The following IPO9 variants were observed in gnomAD, a reference collection of about 807,000 sequenced individuals.
IPO9 encodes importin 9.
In IPO9, 28 loss-of-function variants were observed where a neutral mutation model predicts 128.6. The observed-to-expected ratio is 0.22, with a 90% CI of 0.16 to 0.30. The LOEUF is 0.30. IPO9 is among the 10% of genes least tolerant of loss of function. IPO9 has a pLI of 1.00. For synonymous variants in IPO9, 455 were observed against 475.8 expected (o/e 0.96, Z 0.57); for missense variants, 935 against 1,293.9 (o/e 0.72, Z 4.26).
chr1:201,829,946 C>A (rs191358184), intron 1 of IPO9, among the ~76,000 whole-genome samples: 7 of 152,294 alleles, frequency 4.6e-5, no homozygotes, highest in African/African-American at 1.7e-4. Context: ...ACTGTCCTGA[C>A]CATACTTAAC....
chr1:201,870,791 A>C lies in IPO9; in HGVS notation c.2342A>C (p.Asn781Thr). Reference sequence around the variant, plus strand: ...AAGGCAGGGCGGGAACTCGGGGAGAATCTAGACCAGATTCTTCGTGCCATC... The same window carrying C: ...AAGGCAGGGCGGGAACTCGGGGAGACTCTAGACCAGATTCTTCGTGCCATC... ...ISKAGRELGE[N>T]LDQILRAILS... Residue 781 changes from asparagine to threonine, a missense_variant, in exon 18 of 24, where the codon AAT becomes ACT. Physicochemically the swap from Asn to Thr is moderately conservative, Grantham distance 65 (BLOSUM62 0). Around this residue, in one of 3 missense-constraint regions of IPO9, gnomAD observed 741 missense variants for 1,019.1 expected, o/e 0.73. Coordinates refer to ENST00000361565, the MANE Select transcript of IPO9 (RefSeq NM_018085.5). The surrounding 1 kb of genome is among the most constrained non-coding windows in gnomAD (Gnocchi z 4.9). 1.2e-6 allele frequency: 2 copies of C among 1,614,138 alleles called. No individual in the cohort carries two copies. Among genetic ancestry groups the C allele is most frequent in the Non-Finnish European group, 1.7e-6 (2 of 1,180,012 alleles).
In IPO9 at chr1:201,853,013, G is replaced by C. The variant is rs768361477; in HGVS notation, c.606G>C (p.Val202=). ...EMYKIFTMAE[V]YGIRTRSRAV... is the part of the protein sequence containing the mutation. ...TTATGCTGTAACCTTTCTTCCAGGTGTATGGTATTCGAACCCGTTCCCGAG... is the reference window on the plus strand; with the variant it reads ...TTATGCTGTAACCTTTCTTCCAGGTCTATGGTATTCGAACCCGTTCCCGAG... The change falls in exon 6 of 24, where the codon GTG becomes GTC. Residue 202 remains valine (V), a splice_region_variant and synonymous_variant. Coordinates refer to ENST00000361565, the MANE Select transcript of IPO9 (RefSeq NM_018085.5). 1.9e-6 allele frequency: 3 copies of C among 1,613,818 alleles called. No individual in the cohort carries two copies. The Admixed American group carries it at 5.0e-5, about 27-fold the overall frequency.
chr1:201,854,774 T>G, intron 7 of IPO9, 49 bp from the exon 8 acceptor site: 1 of 1,607,186 alleles, frequency 6.2e-7, no homozygotes, highest in Non-Finnish European at 8.5e-7. Context: ...AAATCATTTA[T>G]TTCTTATATA....
chr1:201,868,307 CTT>C (rs11412063), intron 15 of IPO9, among the ~76,000 whole-genome samples: 7 of 136,744 alleles, frequency 5.1e-5, no homozygotes, highest in Non-Finnish European at 3.1e-5. Flanking sequence ...ATCAGTTGGG[CTT>C]TTTTTTTTTT....
chr1:201,875,266 C>T (rs766237805), intron 23 of IPO9, 38 bp downstream of exon 23: 14 of 1,553,840 alleles, frequency 9.0e-6, no homozygotes, highest in Non-Finnish European at 8.9e-7. Context: ...ATGACAATGT[C>T]CCAGGCCATG....
chr1:201,865,763 G>A (rs1156818102), intron 14 of IPO9, among the ~76,000 whole-genome samples: 1 of 152,064 alleles, frequency 6.6e-6, no homozygotes, highest in Non-Finnish European at 1.5e-5. Flanking sequence ...ACTGAATGTT[G>A]CTTATCATGT....
chr1:201,849,009 A>G (rs1401870902), intron 4 of IPO9, among the ~76,000 whole-genome samples: 1 of 152,216 alleles, frequency 6.6e-6, no homozygotes, highest in African/African-American at 2.4e-5. Context: ...CTTGTTCAGT[A>G]AAGTTTAGTT....
chr1:201,852,233 C>G lies in IPO9; in HGVS notation c.603+41C>G, dbSNP rs200719372. Reference sequence around the variant, plus strand: ...TCCAAGATTATAGTGAGTTCAGGCTCTCTTCAGCCCCCAGCCTTTCAGGTG... The same window carrying G: ...TCCAAGATTATAGTGAGTTCAGGCTGTCTTCAGCCCCCAGCCTTTCAGGTG... On this transcript the variant is annotated intron_variant, in intron 5 of 23. Coordinates refer to ENST00000361565, the MANE Select transcript of IPO9 (RefSeq NM_018085.5). 1.8e-5 allele frequency: 23 copies of G among 1,287,612 alleles called. No homozygotes were observed. In the African/African-American group the frequency reaches 3.2e-4, roughly 18 times the overall value. The allele number at this position is 1,287,612 out of a possible 1,614,324, so 79.8% of individuals were successfully genotyped here.
intron 1 of IPO9, among the ~76,000 whole-genome samples, chr1:201,841,907 C>G (rs1558216547): frequency 6.6e-6 from 1 of 152,164 alleles, no homozygotes; most frequent in Admixed American, 6.5e-5. Context: ...TTTTCCTCTG[C>G]TCTCACACTA....
chr1:201,834,431 A>G (rs1218078668), intron 1 of IPO9, among the ~76,000 whole-genome samples: 1 of 152,072 alleles, frequency 6.6e-6, no homozygotes, highest in Non-Finnish European at 1.5e-5. Context: ...GATCATGAGA[A>G]TTACCATCTT....
chr1:201,840,337 C>G (rs931628771), intron 1 of IPO9, among the ~76,000 whole-genome samples: 1 of 152,156 alleles, frequency 6.6e-6, no homozygotes, highest in Non-Finnish European at 1.5e-5. Context: ...TCCCAAAGTG[C>G]TGGGGTTGTA....
At position 201,834,201 on chromosome 1, in the gene IPO9, T is replaced by TAA. The variant is rs1558214604; in HGVS notation, c.163+4829_163+4830insAA. 3.7e-5 allele frequency among the ~76,000 whole-genome samples: 5 copies of TAA among 133,784 alleles called. No individual in the cohort carries two copies. The East Asian group carries it at 7.9e-4, about 21-fold the overall frequency. The allele number at this position is 133,784 out of a possible 152,430, so 87.8% of individuals were successfully genotyped here. On this transcript the variant is annotated intron_variant, in intron 1 of 23. Coordinates refer to ENST00000361565, the MANE Select transcript of IPO9 (RefSeq NM_018085.5). ...TTATTCGTTAGAGTAAAAAAACTTTTCTTTTCTTTTTTTTTTTTGTTGCAC... is the reference window on the plus strand; with the variant it reads ...TTATTCGTTAGAGTAAAAAAACTTTTAACTTTTCTTTTTTTTTTTTGTTGCAC...
chr1:201,882,578 C>A lies in IPO9; in HGVS notation c.*6524C>A, dbSNP rs373399826. 1 of 151,866 alleles carries A rather than the reference C, an allele frequency of 6.6e-6. No individual in the cohort carries two copies. Among genetic ancestry groups the A allele is most frequent in the Admixed American group, 6.6e-5 (1 of 15,228 alleles). The allele number at this position is 151,866 out of a possible 1,614,324, so 9.4% of individuals were successfully genotyped here. On this transcript the variant is annotated 3_prime_UTR_variant, in exon 24 of 24. Coordinates refer to ENST00000361565, the MANE Select transcript of IPO9 (RefSeq NM_018085.5). ...AACTGGGAAAAGGGTGGCATTACTGCTGGCTTCCTAAAATTGAAAAGTATA... is the reference window on the plus strand; with the variant it reads ...AACTGGGAAAAGGGTGGCATTACTGATGGCTTCCTAAAATTGAAAAGTATA...
Position 201,857,091 on chromosome 1 carries a change from T to C in IPO9, c.1123-5T>C. 3 of 1,562,116 alleles carry C rather than the reference T, an allele frequency of 1.9e-6. No individual in the cohort carries two copies. Among genetic ancestry groups the C allele is most frequent in the Non-Finnish European group, 2.6e-6 (3 of 1,132,630 alleles). On this transcript the variant is annotated splice_region_variant and splice_polypyrimidine_tract_variant and intron_variant, in intron 10 of 23. Transcript: ENST00000361565. ...CATCACAAAGACATAACTTGATCTT[T>C]TCAGATTAAAGTATGGACAGCCAAC...
intron 1 of IPO9, among the ~76,000 whole-genome samples, chr1:201,842,842 AAGT>A (rs1044631745): frequency 6.6e-6 from 1 of 152,202 alleles, no homozygotes; most frequent in Non-Finnish European, 1.5e-5. Context: ...GCAAAAGCAG[AAGT>A]AGTCTTAGCA....
At chr1:201,829,548 GGC>G (rs1679789984) in intron 1 of IPO9, 176 bp downstream of exon 1, 1 of 508,990 alleles carries the variant, frequency 2.0e-6, no homozygotes. Flanking sequence ...AGAGAGGAGA[GGC>G]GCGCCTGAAG....
At chr1:201,846,179 C>A (rs1355160474) in intron 1 of IPO9, among the ~76,000 whole-genome samples, 1 of 152,188 alleles carries the variant, frequency 6.6e-6, no homozygotes, top group Non-Finnish European at 1.5e-5. Context: ...TTACTTACAG[C>A]CTCCCAATGT....
intron 1 of IPO9, among the ~76,000 whole-genome samples, chr1:201,836,219 G>T (rs964305158): frequency 3.4e-5 from 5 of 148,906 alleles, no homozygotes; most frequent in Non-Finnish European, 7.4e-5. Context: ...ATACTTAGTT[G>T]TATTTCAAAA....
At chr1:201,839,661 T>C (rs886086503) in intron 1 of IPO9, among the ~76,000 whole-genome samples, 2 of 148,732 alleles carry the variant, frequency 1.3e-5, no homozygotes, top group African/African-American at 5.0e-5. Context: ...AACTCTAAAA[T>C]GATTAGGAGT....
Sources: allele counts gnomAD v4.1 joint callset (sites outside exome capture counted in the v4.1 genomes callset), GRCh38; gene constraint gnomAD v4.1.1; regional missense constraint gnomAD v4.1.1; non-coding constraint Gnocchi (gnomAD v3.1); transcripts MANE v1.5; gene names NCBI Gene and HGNC (gene_info 2026-07-23, HGNC 2026-07-21).